The following ATRIP variants were observed in gnomAD, a reference collection of about 807,000 sequenced individuals.
The protein encoded by ATRIP is ATR-interacting protein.
A neutral mutation model predicts 78.1 loss-of-function variants in ATRIP; 44 were observed. The observed-to-expected ratio is 0.56, with a 90% CI of 0.44 to 0.72. ATRIP has a LOEUF of 0.72. Among genes scored for constraint, ATRIP ranks in the 30% least tolerant of loss-of-function variants. The pLI is 0.00. For missense variants in ATRIP, 927 were observed against 980.2 expected (o/e 0.95, Z 0.72); for synonymous variants, 388 against 408.9 (o/e 0.95, Z 0.62).
intron 2 of ATRIP, chr3:48,450,490 C>T (rs2039806070): frequency 7.7e-7 from 1 of 1,292,232 alleles, no homozygotes; most frequent in African/African-American, 1.5e-5. Flanking sequence ...TTTTCATTAG[C>T]AGCTTTGCAA....
chr3:48,467,486 G>A lies in ATRIP; in HGVS notation c.*1932G>A. ...GTACCAAGGATCTTCCTCCAGTGAAGGACCCTGGAGCCCTATCCAGGGAGG... is the reference window on the plus strand; with the variant it reads ...GTACCAAGGATCTTCCTCCAGTGAAAGACCCTGGAGCCCTATCCAGGGAGG... On this transcript the variant is annotated 3_prime_UTR_variant, in exon 13 of 13. Coordinates refer to ENST00000320211, the MANE Select transcript of ATRIP (RefSeq NM_130384.3). The A allele has an allele frequency of 6.2e-7, 1 of 1,614,140 alleles. No individual in the cohort carries two copies. The highest frequency in any genetic ancestry group is 8.5e-7 in the Non-Finnish European group (1 of 1,180,030).
intron 2 of ATRIP, among the ~76,000 whole-genome samples, chr3:48,450,877 C>T (rs898286606): frequency 2.6e-5 from 4 of 151,656 alleles, no homozygotes; most frequent in East Asian, 2.0e-4. Context: ...CGACCCAGAT[C>T]GTTAATGCCT....
chr3:48,455,774 A>C (rs2039940041), intron 4 of ATRIP, among the ~76,000 whole-genome samples: 1 of 151,832 alleles, frequency 6.6e-6, no homozygotes, highest in African/African-American at 2.4e-5. Context: ...TTGGGATTAC[A>C]AGGGTGAGCC....
At position 48,459,403 on chromosome 3, in the gene ATRIP, G is replaced by A; in HGVS notation, c.874G>A (p.Glu292Lys). The A allele has an allele frequency of 6.2e-7, 1 of 1,614,118 alleles. No homozygotes were observed. Among genetic ancestry groups the A allele is most frequent in the Non-Finnish European group, 8.5e-7 (1 of 1,180,036 alleles). ...GAGAGGTGACTCCATAAAACAAGAAGAGGCCCAGAAAAGCTTTGTTGACAG... is the reference window on the plus strand; with the variant it reads ...GAGAGGTGACTCCATAAAACAAGAAAAGGCCCAGAAAAGCTTTGTTGACAG... ...SLRGDSIKQE[E>K]AQKSFVDSWR... Residue 292 changes from glutamate to lysine, a missense_variant, in exon 6 of 13, where the codon GAG becomes AAG. Coordinates refer to ENST00000320211, the MANE Select transcript of ATRIP (RefSeq NM_130384.3).
chr3:48,447,211 G>A (rs1467984512), intron 1 of ATRIP, 119 bp downstream of exon 1: 1 of 1,282,832 alleles, frequency 7.8e-7, no homozygotes, highest in Non-Finnish European at 9.8e-7. Flanking sequence ...TTAAAATATG[G>A]GAACACCCTG....
At position 48,466,544 on chromosome 3, in the gene ATRIP, G is replaced by A. The variant is rs1388292235; in HGVS notation, c.*990G>A. The A allele has an allele frequency of 1.2e-6, 2 of 1,613,816 alleles. No homozygotes were observed. Among genetic ancestry groups the A allele is most frequent in the Non-Finnish European group, 1.7e-6 (2 of 1,179,990 alleles). The stretch of plus-strand genomic sequence containing the variant: ...GGATTGTGCAGGGAAGGCCTGAGAT[G>A]TGCTTCTGCCCACCCCCTACCCCAC... On this transcript the variant is annotated 3_prime_UTR_variant, in exon 13 of 13. Transcript: ENST00000320211.
rs1401335474 is a variant in ATRIP at position 48,460,412 on chromosome 3, C to A, written c.1358C>A (p.Ser453Tyr). Residue 453 changes from serine to tyrosine, a missense_variant, in exon 8 of 13, where the codon TCC becomes TAC. Transcript: ENST00000320211. The stretch of plus-strand genomic sequence containing the variant: ...GCACCTGGGGACTCACCGACACATT[C>A]CTCCTGCGTGAGCTCTGGGGTAGAG... ...SGAPGDSPTH[S>Y]SCVSSGVETN... The A allele has an allele frequency of 6.2e-7, 1 of 1,613,164 alleles. No individual in the cohort carries two copies. The highest frequency in any genetic ancestry group is 1.3e-5 in the African/African-American group (1 of 74,930).
intron 1 of ATRIP, among the ~76,000 whole-genome samples, chr3:48,448,942 A>G (rs1016787524): frequency 1.3e-5 from 2 of 152,218 alleles, no homozygotes; most frequent in African/African-American, 2.4e-5. Context: ...TTTGCTCACT[A>G]TTGTACCTGT....
At chr3:48,460,068 C>G in intron 7 of ATRIP, 42 bp from the exon 8 acceptor site, 1 of 1,575,528 alleles carries the variant, frequency 6.3e-7, no homozygotes, top group Non-Finnish European at 8.6e-7. Flanking sequence ...GACCTTATCT[C>G]CATCCCACAC....
At chr3:48,464,364 G>T (rs1257215574) in intron 10 of ATRIP, among the ~76,000 whole-genome samples, 2 of 152,210 alleles carry the variant, frequency 1.3e-5, no homozygotes, top group African/African-American at 4.8e-5. Flanking sequence ...GCTTTGGGAC[G>T]TGGGGGCAGA....
rs769758692 is a variant in ATRIP, at chr3:48,446,871, G to C, written c.26G>C (p.Ser9Thr). The change falls in exon 1 of 13, where the codon AGC becomes ACC. Residue 9 changes from serine to threonine, a missense_variant. Coordinates refer to ENST00000320211, the MANE Select transcript of ATRIP (RefSeq NM_130384.3). MAGTSAPG[S>T]KRRSEPPAPR... ...ATGGCGGGGACCTCCGCGCCAGGCAGCAAGAGGCGGAGCGAGCCCCCGGCG... is the reference window on the plus strand; with the variant it reads ...ATGGCGGGGACCTCCGCGCCAGGCACCAAGAGGCGGAGCGAGCCCCCGGCG... 7.1e-7 allele frequency: 1 copy of C among 1,402,158 alleles called. No homozygotes were observed. Among genetic ancestry groups the C allele is most frequent in the African/African-American group, 1.5e-5 (1 of 66,620 alleles). The allele number at this position is 1,402,158 out of a possible 1,614,324, so 86.9% of individuals were successfully genotyped here. A position where few individuals can be genotyped will look rare whatever the true frequency, so the allele number is the denominator to read the frequency against.
At position 48,465,702 on chromosome 3, in the gene ATRIP, T is replaced by TGGAGC. The variant is rs2040266304; in HGVS notation, c.*149_*153dup. The stretch of plus-strand genomic sequence containing the variant: ...GATCTGTTTGGCGGAGTGGGAGGGG[T>TGGAGC]GGAGCAGGACCCGGACCCTGAGTGG... On this transcript the variant is annotated 3_prime_UTR_variant, in exon 13 of 13. Transcript: ENST00000320211. 5 of 774,604 alleles carry TGGAGC rather than the reference T, an allele frequency of 6.5e-6. No homozygotes were observed. In the African/African-American group the frequency reaches 6.9e-5, roughly 11 times the overall value. 48.0% of individuals were successfully genotyped at this position (774,604 alleles called of 1,614,324 possible).
intron 3 of ATRIP, among the ~76,000 whole-genome samples, chr3:48,452,624 G>A (rs2107200546): frequency 6.6e-6 from 1 of 152,220 alleles, no homozygotes; most frequent in South Asian, 2.1e-4. Flanking sequence ...GAGCCCAGGA[G>A]GTTGAGGCTG....
Position 48,465,637 on chromosome 3 carries a change from G to A in ATRIP, c.*83G>A. 7.3e-7 allele frequency: 1 copy of A among 1,377,566 alleles called. No homozygotes were observed. The highest frequency in any genetic ancestry group is 1.0e-6 in the Non-Finnish European group (1 of 973,640). 85.3% of individuals were successfully genotyped at this position (1,377,566 alleles called of 1,614,324 possible). A position where few individuals can be genotyped will look rare whatever the true frequency, so the allele number is the denominator to read the frequency against. Reference sequence around the variant, plus strand: ...AACTGATTAAAGCAGTGACCAGCAGGAACTGCCCAGAGAACTGGCTGGCCT... The same window carrying A: ...AACTGATTAAAGCAGTGACCAGCAGAAACTGCCCAGAGAACTGGCTGGCCT... On this transcript the variant is annotated 3_prime_UTR_variant, in exon 13 of 13. Transcript: ENST00000320211.
chr3:48,446,753 A>G lies in ATRIP; in HGVS notation c.-93A>G, dbSNP rs535759859. 7.6e-6 allele frequency: 10 copies of G among 1,313,606 alleles called. No homozygotes were observed. The highest frequency in any genetic ancestry group is 1.5e-5 in the African/African-American group (1 of 65,554). The allele number at this position is 1,313,606 out of a possible 1,614,324, so 81.4% of individuals were successfully genotyped here. ...GGGCGGGGCACTCGCGGCGGAGGCA[A>G]GCGGCGGCGCGCGGACGGTTGGTCC... On this transcript the variant is annotated 5_prime_UTR_variant, in exon 1 of 13. Transcript: ENST00000320211.
In ATRIP at chr3:48,446,795, G is replaced by C; in HGVS notation, c.-51G>C. The C allele has an allele frequency of 7.4e-7, 1 of 1,357,556 alleles. No individual in the cohort carries two copies. Among genetic ancestry groups the C allele is most frequent in the Non-Finnish European group, 9.5e-7 (1 of 1,052,694 alleles). 84.1% of individuals were successfully genotyped at this position (1,357,556 alleles called of 1,614,324 possible). A position where few individuals can be genotyped will look rare whatever the true frequency, so the allele number is the denominator to read the frequency against. Reference sequence around the variant, plus strand: ...GGTTGGTCCAGTTCTCCGGCCTGGCGGCAGGCAAGTCTAGCTCGGCGCTGT... The same window carrying C: ...GGTTGGTCCAGTTCTCCGGCCTGGCCGCAGGCAAGTCTAGCTCGGCGCTGT... On this transcript the variant is annotated 5_prime_UTR_variant, in exon 1 of 13. Coordinates refer to ENST00000320211, the MANE Select transcript of ATRIP (RefSeq NM_130384.3).
intron 1 of ATRIP, chr3:48,447,489 T>C: frequency 1.0e-6 from 1 of 994,030 alleles, no homozygotes; most frequent in Non-Finnish European, 1.2e-6. Context: ...CTGTCTCCCT[T>C]GGGCAGTGTG....
In ATRIP at chr3:48,446,745, C is replaced by G. The variant is rs116253015; in HGVS notation, c.-101C>G. The stretch of plus-strand genomic sequence containing the variant: ...TGGGCCAGGGGCGGGGCACTCGCGG[C>G]GGAGGCAAGCGGCGGCGCGCGGACG... On this transcript the variant is annotated 5_prime_UTR_variant, in exon 1 of 13. Coordinates refer to ENST00000320211, the MANE Select transcript of ATRIP (RefSeq NM_130384.3). 5,259 of 1,304,516 alleles carry G rather than the reference C, an allele frequency of 4.0e-3. 100 individuals are homozygous for G. The African/African-American group carries it at 0.056, about 14-fold the overall frequency. 80.8% of individuals were successfully genotyped at this position (1,304,516 alleles called of 1,614,324 possible). A position where few individuals can be genotyped will look rare whatever the true frequency, so the allele number is the denominator to read the frequency against.
intron 1 of ATRIP, among the ~76,000 whole-genome samples, chr3:48,448,848 T>A (rs2039754780): frequency 6.6e-6 from 1 of 152,262 alleles, no homozygotes; most frequent in South Asian, 2.1e-4. Context: ...CTGCAGTTCT[T>A]AATCACAGTT....
Sources: gnomAD v4.1 joint callset for allele counts (sites outside exome capture counted in the v4.1 genomes callset) on GRCh38, gnomAD v4.1.1 for gene constraint, MANE v1.5 for transcripts, NCBI Gene and HGNC (gene_info 2026-07-23, HGNC 2026-07-21) for gene names.